ITGB3BP: variants seen among roughly 807,000 people sequenced by gnomAD.
The protein encoded by ITGB3BP is centromere protein R.
ITGB3BP carries 27 observed loss-of-function variants against 29.1 expected under a neutral mutation model. That is an observed-to-expected ratio of 0.93 (90% CI 0.68 to 1.28). The LOEUF is 1.28. Ranked by LOEUF, ITGB3BP falls within the 50% of genes most tolerant of loss-of-function variation. The probability of loss-of-function intolerance (pLI) is 0.00; values close to 1 mark genes in which losing one functional copy is unlikely to be tolerated. For missense variants in ITGB3BP, 192 were observed against 200.2 expected (o/e 0.96, Z 0.25); for synonymous variants, 61 against 61.4 (o/e 0.99, Z 0.03).
At chr1:63,450,224 T>C (rs1644843310) in intron 7 of ITGB3BP, among the ~76,000 whole-genome samples, 2 of 151,988 alleles carry the variant, frequency 1.3e-5, no homozygotes, top group African/African-American at 2.4e-5. Flanking sequence ...CACTGAACAA[T>C]GTAAAGTTCA....
rs185124690 is a variant in ITGB3BP at position 63,517,999 on chromosome 1, C to T, written c.5+5130G>A. ...CAGCCTCCCAAAGTGATGGGATTAC[C>T]GGCATGAGCCACTGGGCCTGGCCCC... On this transcript the variant is annotated intron_variant, in intron 1 of 8. Transcript: ENST00000271002. Among the ~76,000 whole-genome samples the T allele has an allele frequency of 4.4e-3, 675 of 152,224 alleles. 5 individuals are homozygous for T. Among genetic ancestry groups the T allele is most frequent in the African/African-American group, 0.015 (617 of 41,530 alleles).
At chr1:63,453,675 A>G in intron 7 of ITGB3BP, 2 of 320,508 alleles carry the variant, frequency 6.2e-6, no homozygotes, top group Non-Finnish European at 1.1e-5. Context: ...TGAAGATTGC[A>G]TTTCAAAAGA....
chr1:63,460,029 T>G (rs564667834), intron 4 of ITGB3BP, among the ~76,000 whole-genome samples: 1 of 149,976 alleles, frequency 6.7e-6, no homozygotes, highest in Non-Finnish European at 1.5e-5. Context: ...AAAAAAAAAT[T>G]CCCCCCCGTG....
chr1:63,493,103 A>AGCGC (rs1174448249), intron 2 of ITGB3BP, among the ~76,000 whole-genome samples: 1 of 117,890 alleles, frequency 8.5e-6, no homozygotes, highest in Non-Finnish European at 1.9e-5. Context: ...CGCGCGCGCA[A>AGCGC]GAAAATAGAT....
At position 63,490,175 on chromosome 1, in the gene ITGB3BP, G is replaced by A. The variant is rs755560635; in HGVS notation, c.92C>T (p.Thr31Ile). The A allele has an allele frequency of 6.3e-7, 1 of 1,593,522 alleles. No homozygotes were observed. Among genetic ancestry groups the A allele is most frequent in the Non-Finnish European group, 8.6e-7 (1 of 1,162,796 alleles). ...SKITRKKSVI[T>I]YSPTTGTCQM... is the part of the protein sequence containing the mutation. Reference sequence around the variant, plus strand: ...ACAAGTTCCAGTTGTTGGAGAATAAGTTATAACACTTTTCTTCCTTGTGAT... The same window carrying A: ...ACAAGTTCCAGTTGTTGGAGAATAAATTATAACACTTTTCTTCCTTGTGAT... The change falls in exon 3 of 9, where the codon ACT becomes ATT. Residue 31 changes from threonine to isoleucine, a missense_variant. Physicochemically the swap from Thr to Ile is moderately conservative, Grantham distance 89. Coordinates refer to ENST00000271002, the MANE Select transcript of ITGB3BP (RefSeq NM_014288.5).
chr1:63,475,959 T>C (rs1010155938), intron 4 of ITGB3BP, among the ~76,000 whole-genome samples: 2 of 148,726 alleles, frequency 1.3e-5, no homozygotes, highest in East Asian at 4.0e-4. Context: ...GATTGTGTCA[T>C]TGCATTCCAG....
At chr1:63,472,417 T>C (rs1244840384) in intron 4 of ITGB3BP, among the ~76,000 whole-genome samples, 1 of 141,516 alleles carries the variant, frequency 7.1e-6, no homozygotes, top group African/African-American at 2.6e-5. Context: ...GTTATGATCA[T>C]TTAAAACTGA....
At chr1:63,478,731 A>G (rs1645384806) in intron 4 of ITGB3BP, 33 bp downstream of exon 4, 2 of 990,838 alleles carry the variant, frequency 2.0e-6, no homozygotes, top group Admixed American at 2.5e-5. Context: ...TCTGCAAGAT[A>G]CACATATATA....
At chr1:63,495,143 T>C (rs1047118709) in intron 2 of ITGB3BP, among the ~76,000 whole-genome samples, 2 of 152,182 alleles carry the variant, frequency 1.3e-5, no homozygotes, top group Non-Finnish European at 2.9e-5. Context: ...TTTAGGCCTA[T>C]GATCCTTCTT....
chr1:63,449,020 AAGC>A (rs1644826617), intron 7 of ITGB3BP, among the ~76,000 whole-genome samples: 6 of 152,190 alleles, frequency 3.9e-5, no homozygotes, highest in Admixed American at 3.9e-4. Flanking sequence ...TTTCTGTAGT[AAGC>A]AGAACTGTTT....
intron 8 of ITGB3BP, among the ~76,000 whole-genome samples, chr1:63,442,251 T>C (rs1644740033): frequency 6.6e-6 from 1 of 152,212 alleles, no homozygotes; most frequent in South Asian, 2.1e-4. Context: ...CTGTACTCCA[T>C]GGAAGTGTGA....
At chr1:63,526,815 A>T (rs1406543792), upstream of ITGB3BP, among the ~76,000 whole-genome samples, 3 of 151,818 alleles carry the variant, frequency 2.0e-5, no homozygotes, top group Admixed American at 2.0e-4. Flanking sequence ...TCCAGGCTGG[A>T]GTGCAGTGGC....
chr1:63,441,713 G>T (rs372377183), intron 8 of ITGB3BP, among the ~76,000 whole-genome samples: 3 of 152,278 alleles, frequency 2.0e-5, no homozygotes, highest in Admixed American at 6.5e-5. Context: ...AGCCTTAGGG[G>T]CCTTTCAGCA....
At chr1:63,495,230 G>T (rs1357850523) in intron 2 of ITGB3BP, among the ~76,000 whole-genome samples, 1 of 152,108 alleles carries the variant, frequency 6.6e-6, no homozygotes, top group East Asian at 1.9e-4. Context: ...TTTCTAGATG[G>T]TTACCATTTA....
At chr1:63,451,436 A>G (rs912088326) in intron 7 of ITGB3BP, among the ~76,000 whole-genome samples, 4 of 151,978 alleles carry the variant, frequency 2.6e-5, no homozygotes, top group Admixed American at 6.6e-5. Context: ...TAAATAAAAG[A>G]AAGTGGAAAT....
At chr1:63,490,496 G>C (rs1313595759) in intron 2 of ITGB3BP, among the ~76,000 whole-genome samples, 1 of 152,128 alleles carries the variant, frequency 6.6e-6, no homozygotes, top group Non-Finnish European at 1.5e-5. Context: ...AAACAGGTTA[G>C]AGATGGCCAA....
intron 2 of ITGB3BP, 53 bp downstream of exon 2, chr1:63,508,475 A>G (rs1050190464): frequency 1.2e-6 from 1 of 816,814 alleles, no homozygotes; most frequent in African/African-American, 1.8e-5. Flanking sequence ...ATCAGTAGTT[A>G]AAAACTGAAA....
chr1:63,443,642 C>T (rs959319796), intron 8 of ITGB3BP, among the ~76,000 whole-genome samples: 1 of 151,934 alleles, frequency 6.6e-6, no homozygotes. Context: ...GGGAAAGGGA[C>T]CAAAGTGCAG....
intron 4 of ITGB3BP, among the ~76,000 whole-genome samples, chr1:63,470,300 G>A (rs560604716): frequency 2.4e-4 from 36 of 152,132 alleles, no homozygotes; most frequent in African/African-American, 7.7e-4. Context: ...AGCTGGTCTC[G>A]GCACAAGACT....
Sources: allele counts gnomAD v4.1 joint callset (sites outside exome capture counted in the v4.1 genomes callset), GRCh38; gene constraint gnomAD v4.1.1; transcripts MANE v1.5; gene names NCBI Gene and HGNC (gene_info 2026-07-23, HGNC 2026-07-21).